Variants in GEMIN2 observed in about 807,000 individuals in gnomAD.
The protein encoded by GEMIN2 is gem nuclear organelle associated protein 2.
In GEMIN2, 37 loss-of-function variants were observed where a neutral mutation model predicts 45.8. That is an observed-to-expected ratio of 0.81 (90% confidence interval 0.62 to 1.06). The LOEUF (loss-of-function observed/expected upper bound fraction) is 1.06, where lower values mean the gene tolerates loss of function less well. GEMIN2 is among the 50% of genes least tolerant of loss of function. The pLI is 0.00. For synonymous variants in GEMIN2, 101 were observed against 111.5 expected, an observed-to-expected ratio of 0.91 and a Z score of 0.60; for missense variants, 335 against 321.8, an observed-to-expected ratio of 1.04 and a Z score of -0.31.
intron 9 of GEMIN2, among the ~76,000 whole-genome samples, chr14:39,136,012 G>C (rs2052777070): frequency 6.6e-6 from 1 of 152,090 alleles, no homozygotes. Flanking sequence ...TTTGAGCCCA[G>C]GAGTTCAAGA....
intron 9 of GEMIN2, among the ~76,000 whole-genome samples, chr14:39,136,140 C>T (rs1292919923): frequency 2.0e-5 from 3 of 152,256 alleles, no homozygotes; most frequent in East Asian, 1.9e-4. Flanking sequence ...GGCAGTCCTA[C>T]ACATACTCAC....
In GEMIN2 at chr14:39,129,476, C is replaced by T. The variant is rs574199061; in HGVS notation, c.600+1128C>T. On this transcript the variant is annotated intron_variant, in intron 7 of 9. Coordinates refer to ENST00000308317, the MANE Select transcript of GEMIN2 (RefSeq NM_003616.3). The stretch of plus-strand genomic sequence containing the variant: ...TTGCCCAGGCTGGAGTGCAGTAGCG[C>T]GATCTCGGCTCACTGCAGCCTCCAC... 3.5e-4 allele frequency among the ~76,000 whole-genome samples: 54 copies of T among 152,258 alleles called. 1 individual carries two copies. The South Asian group carries it at 6.4e-3, about 18-fold the overall frequency.
At chr14:39,123,709 T>TATATATATATATATATATA (rs60209051) in intron 5 of GEMIN2, among the ~76,000 whole-genome samples, 11 of 28,954 alleles carry the variant, frequency 3.8e-4, no homozygotes, top group South Asian at 1.5e-3. Context: ...TATATATATA[T>TATATATATATATATATATA]TTTTTTTTTT....
At chr14:39,128,644 C>T (rs945298719) in intron 7 of GEMIN2, among the ~76,000 whole-genome samples, 4 of 151,500 alleles carry the variant, frequency 2.6e-5, no homozygotes, top group Non-Finnish European at 4.4e-5. Context: ...GCGCATGCAG[C>T]CACGCCCAGT....
chr14:39,126,422 C>T (rs966043587), intron 6 of GEMIN2, among the ~76,000 whole-genome samples: 2 of 152,140 alleles, frequency 1.3e-5, no homozygotes, highest in Non-Finnish European at 2.9e-5. Context: ...TCAAGCGATC[C>T]TCCCACCTCA....
At chr14:39,135,762 T>G (rs951100928) in intron 9 of GEMIN2, among the ~76,000 whole-genome samples, 1 of 152,144 alleles carries the variant, frequency 6.6e-6, no homozygotes, top group African/African-American at 2.4e-5. Context: ...ATCTTATAAT[T>G]ACATAAAATA....
chr14:39,115,982 C>T (rs972998068), intron 2 of GEMIN2, among the ~76,000 whole-genome samples: 4 of 151,874 alleles, frequency 2.6e-5, no homozygotes, highest in Non-Finnish European at 4.4e-5. Flanking sequence ...AGAAAATAAG[C>T]ATGTATAATA....
At chr14:39,124,235 C>T (rs529382708) in intron 5 of GEMIN2, among the ~76,000 whole-genome samples, 2 of 152,164 alleles carry the variant, frequency 1.3e-5, no homozygotes, top group South Asian at 4.1e-4. Context: ...CCAAAGTAGA[C>T]TTTTAAAAAT....
chr14:39,118,355 G>A (rs1181576026), intron 3 of GEMIN2, among the ~76,000 whole-genome samples, 185 bp from the exon 4 acceptor site: 1 of 152,128 alleles, frequency 6.6e-6, no homozygotes, highest in Non-Finnish European at 1.5e-5. Context: ...GGTGATTTCT[G>A]AGATTTTGGT....
At chr14:39,136,190 T>A (rs1453917090) in intron 9 of GEMIN2, among the ~76,000 whole-genome samples, 1 of 152,208 alleles carries the variant, frequency 6.6e-6, no homozygotes, top group Non-Finnish European at 1.5e-5. Context: ...GTACTTCGTT[T>A]TTTTTCACTT....
chr14:39,136,508 A>C lies in GEMIN2; in HGVS notation c.*29A>C. 2 of 1,576,892 alleles carry C rather than the reference A, an allele frequency of 1.3e-6. No individual in the cohort carries two copies. Among genetic ancestry groups the C allele is most frequent in the Non-Finnish European group, 1.7e-6 (2 of 1,148,442 alleles). ...AGCTGATCTCTCAGGGATAGAAGAT[A>C]TTTCTCATGAAGGCAGCCTAACTCT... On this transcript the variant is annotated 3_prime_UTR_variant, in exon 10 of 10. Coordinates refer to ENST00000308317, the MANE Select transcript of GEMIN2 (RefSeq NM_003616.3).
intron 4 of GEMIN2, among the ~76,000 whole-genome samples, chr14:39,119,602 T>C (rs1270302089): frequency 6.6e-6 from 1 of 152,220 alleles, no homozygotes; most frequent in Non-Finnish European, 1.5e-5. Context: ...AGGTAGTTCA[T>C]AGATTTTAGA....
intron 5 of GEMIN2, 169 bp downstream of exon 5, chr14:39,122,712 A>G: frequency 2.2e-6 from 1 of 452,998 alleles, no homozygotes; most frequent in South Asian, 5.5e-5. Flanking sequence ...AGAAACAAAT[A>G]ATATGTGGCT....
At chr14:39,126,049 A>G (rs988890054) in intron 6 of GEMIN2, among the ~76,000 whole-genome samples, 9 of 151,808 alleles carry the variant, frequency 5.9e-5, no homozygotes, top group Non-Finnish European at 1.0e-4. Flanking sequence ...ATTGAAATAT[A>G]TGATTTCTTG....
chr14:39,133,762 CAGTGAGGTT>C (rs967680656), intron 9 of GEMIN2, 43 bp downstream of exon 9: 4 of 1,067,012 alleles, frequency 3.7e-6, no homozygotes, highest in Middle Eastern at 2.1e-4. Context: ...TCAGTGAGGT[CAGTGAGGTT>C]AGATCGTATT....
At chr14:39,135,920 C>G (rs946699946) in intron 9 of GEMIN2, among the ~76,000 whole-genome samples, 2 of 151,606 alleles carry the variant, frequency 1.3e-5, no homozygotes, top group Non-Finnish European at 2.9e-5. Context: ...TTCATTGTTT[C>G]TTTTTAAAAG....
intron 2 of GEMIN2, among the ~76,000 whole-genome samples, chr14:39,115,784 G>A (rs1233960626): frequency 6.6e-6 from 1 of 151,876 alleles, no homozygotes; most frequent in Non-Finnish European, 1.5e-5. Flanking sequence ...TGCACACTCT[G>A]GACATTTTCA....
At chr14:39,120,942 A>T (rs574821630) in intron 4 of GEMIN2, among the ~76,000 whole-genome samples, 1 of 152,358 alleles carries the variant, frequency 6.6e-6, no homozygotes, top group South Asian at 2.1e-4. Context: ...ATACAAGGTG[A>T]TATGTACAAA....
chr14:39,132,103 C>A (rs377684511), intron 8 of GEMIN2, 35 bp downstream of exon 8: 4 of 946,428 alleles, frequency 4.2e-6, no homozygotes, highest in Non-Finnish European at 6.9e-6. Flanking sequence ...ATTAAAAGCA[C>A]CCACCAATTT....
Sources: allele counts gnomAD v4.1 joint callset (sites outside exome capture counted in the v4.1 genomes callset), GRCh38; gene constraint gnomAD v4.1.1; transcripts MANE v1.5; gene names NCBI Gene and HGNC (gene_info 2026-07-23, HGNC 2026-07-21).